MAF: variants seen among roughly 807,000 people sequenced by gnomAD.
The protein encoded by MAF is MAF bZIP transcription factor.
Under a neutral mutation model 22.0 loss-of-function variants are expected in MAF, and 10 were observed. That is an observed-to-expected ratio of 0.45 (90% CI 0.28 to 0.77). The LOEUF (loss-of-function observed/expected upper bound fraction) is 0.77, where lower values mean the gene tolerates loss of function less well. Ranked by LOEUF, MAF falls within the 30% of genes least tolerant of loss-of-function variation. MAF has a pLI of 0.12. For synonymous variants in MAF, 337 were observed against 255.8 expected (o/e 1.32, Z -3.03); for missense variants, 544 against 548.4 (o/e 0.99, Z 0.08).
At chr16:79,336,321 T>C in the MAF span, among the ~76,000 whole-genome samples, 2 of 152,242 alleles carry the variant, frequency 1.3e-5, no homozygotes, top group East Asian at 3.8e-4. Context: ...ATCCTCATTT[T>C]GTAAAGGAGC....
At chr16:79,415,277 G>T in the MAF span, among the ~76,000 whole-genome samples, 1 of 150,724 alleles carries the variant, frequency 6.6e-6, no homozygotes, top group Non-Finnish European at 1.5e-5. Context: ...AAGGAAGGAA[G>T]GAAGGGAGGG....
chr16:79,444,115 T>A, the MAF span, among the ~76,000 whole-genome samples: 9 of 152,066 alleles, frequency 5.9e-5, no homozygotes, highest in Non-Finnish European at 1.2e-4. Context: ...AAAATCATGA[T>A]AGAATATTAA....
At chr16:79,326,681 A>G in the MAF span, among the ~76,000 whole-genome samples, 2 of 152,340 alleles carry the variant, frequency 1.3e-5, no homozygotes, top group Non-Finnish European at 2.9e-5. Flanking sequence ...TCCAGCAGGA[A>G]AGCAGCCACA....
chr16:79,467,546 C>T, the MAF span, among the ~76,000 whole-genome samples: 1 of 152,272 alleles, frequency 6.6e-6, no homozygotes, highest in Middle Eastern at 3.4e-3. Flanking sequence ...AGGATGTGAA[C>T]CCAGGTGATT....
At chr16:79,229,418 T>G in the MAF span, 1 of 151,980 alleles carries the variant, frequency 6.6e-6, no homozygotes, top group African/African-American at 2.4e-5. Flanking sequence ...GCTAGAGCAG[T>G]TTCACCTTCA....
the MAF span, among the ~76,000 whole-genome samples, chr16:79,534,361 G>C: frequency 6.6e-6 from 1 of 152,122 alleles, no homozygotes; most frequent in Admixed American, 6.5e-5. Context: ...ACAGGACTTA[G>C]GCCAGCTGGG....
chr16:79,209,933 G>A, the MAF span, among the ~76,000 whole-genome samples: 4 of 152,180 alleles, frequency 2.6e-5, no homozygotes, highest in Non-Finnish European at 4.4e-5. Flanking sequence ...CAAATCAATG[G>A]GAAAAGAAAC....
At chr16:79,251,493 T>C in the MAF span, among the ~76,000 whole-genome samples, 1 of 152,030 alleles carries the variant, frequency 6.6e-6, no homozygotes. Context: ...TTTTTTGTAT[T>C]TTTAGTAGAG....
chr16:79,410,449 C>T, the MAF span, among the ~76,000 whole-genome samples: 5 of 152,246 alleles, frequency 3.3e-5, no homozygotes, highest in Admixed American at 1.3e-4. Flanking sequence ...TAAATCAGCT[C>T]ATTGCAGAAG....
chr16:79,346,057 T>C, the MAF span, among the ~76,000 whole-genome samples: 1 of 152,180 alleles, frequency 6.6e-6, no homozygotes, highest in Non-Finnish European at 1.5e-5. Context: ...CTTTAAGTTC[T>C]AGGGTACATG....
the MAF span, among the ~76,000 whole-genome samples, chr16:79,544,539 C>T: frequency 6.6e-6 from 1 of 152,000 alleles, no homozygotes; most frequent in African/African-American, 2.4e-5. Context: ...CTTTGAGAGA[C>T]CGAGTTGGGT....
the MAF span, among the ~76,000 whole-genome samples, chr16:79,309,748 C>A: frequency 6.6e-6 from 1 of 152,140 alleles, no homozygotes; most frequent in East Asian, 1.9e-4. Context: ...TAGCATATCT[C>A]CCTCCCAGCC....
chr16:79,318,888 T>C, the MAF span, among the ~76,000 whole-genome samples: 1 of 152,142 alleles, frequency 6.6e-6, no homozygotes, highest in Non-Finnish European at 1.5e-5. Flanking sequence ...TGTGGATTCC[T>C]CCTTACAGCA....
At chr16:79,258,502 T>A in the MAF span, among the ~76,000 whole-genome samples, 3 of 152,336 alleles carry the variant, frequency 2.0e-5, no homozygotes, top group East Asian at 5.8e-4. Context: ...TCTCCTGTAA[T>A]GGAGCTAGCC....
chr16:79,403,474 C>T, the MAF span, among the ~76,000 whole-genome samples: 9 of 152,146 alleles, frequency 5.9e-5, no homozygotes, highest in Non-Finnish European at 8.8e-5. Flanking sequence ...ATCAAGTGCC[C>T]GCCCCTCACT....
At chr16:79,316,222 T>A in the MAF span, among the ~76,000 whole-genome samples, 1 of 152,354 alleles carries the variant, frequency 6.6e-6, no homozygotes, top group African/African-American at 2.4e-5. Context: ...TTGAAGTTGC[T>A]GGTAACCTTA....
the MAF span, among the ~76,000 whole-genome samples, chr16:79,469,206 A>T: frequency 6.6e-6 from 1 of 152,224 alleles, no homozygotes; most frequent in Non-Finnish European, 1.5e-5. Flanking sequence ...CCGTTCATTT[A>T]CATTGTATAT....
At chr16:79,561,361 A>T in the MAF span, among the ~76,000 whole-genome samples, 1 of 151,696 alleles carries the variant, frequency 6.6e-6, no homozygotes, top group Non-Finnish European at 1.5e-5. Context: ...ACATGTGCAC[A>T]ACGTGCAGGT....
chr16:79,592,687 A>C (rs1913256099), downstream of MAF, among the ~76,000 whole-genome samples: 1 of 152,228 alleles, frequency 6.6e-6, no homozygotes, highest in African/African-American at 2.4e-5. Flanking sequence ...AACAACAAGG[A>C]AGGCACAGGA....
Sources: gnomAD v4.1 joint callset for allele counts (sites outside exome capture counted in the v4.1 genomes callset) on GRCh38, gnomAD v4.1.1 for gene constraint, MANE v1.5 for transcripts, NCBI Gene and HGNC (gene_info 2026-07-23, HGNC 2026-07-21) for gene names.